Variants in PLCB1 observed in about 807,000 individuals in gnomAD.
PLCB1 encodes 1-phosphatidylinositol 4,5-bisphosphate phosphodiesterase beta-1.
PLCB1 carries 46 observed loss-of-function variants against 161.8 expected under a neutral mutation model. That is an observed-to-expected ratio of 0.28 (90% CI 0.22 to 0.36). The LOEUF is 0.36. PLCB1 is among the 10% of genes least tolerant of loss of function. The pLI is 1.00. For missense variants in PLCB1, 1,016 were observed against 1,472.5 expected, an observed-to-expected ratio of 0.69 and a Z score of 5.07; for synonymous variants, 517 against 503.7, an observed-to-expected ratio of 1.03 and a Z score of -0.35.
intron 31 of PLCB1, among the ~76,000 whole-genome samples, chr20:8,826,693 T>TTAAC (rs1985724433): frequency 6.6e-6 from 1 of 152,168 alleles, no homozygotes; most frequent in Admixed American, 6.5e-5. Flanking sequence ...CATCTCTCAC[T>TTAAC]CTAGAATTTC....
intron 16 of PLCB1, among the ~76,000 whole-genome samples, chr20:8,726,722 G>A (rs1979957685): frequency 6.6e-6 from 1 of 152,054 alleles, no homozygotes; most frequent in African/African-American, 2.4e-5. Flanking sequence ...GATTTTGTGT[G>A]GGGACACACC....
chr20:8,505,426 A>C (rs1294672881), intron 3 of PLCB1, among the ~76,000 whole-genome samples: 1 of 152,206 alleles, frequency 6.6e-6, no homozygotes, highest in African/African-American at 2.4e-5. Context: ...ACCCCACCAG[A>C]GACATTTTAA....
chr20:8,326,932 C>T (rs1985178323), intron 2 of PLCB1, among the ~76,000 whole-genome samples: 1 of 152,196 alleles, frequency 6.6e-6, no homozygotes, highest in African/African-American at 2.4e-5. Flanking sequence ...GTCGCTCAGG[C>T]TGGAGTGCTG....
At chr20:8,821,867 C>T (rs148503932) in intron 31 of PLCB1, among the ~76,000 whole-genome samples, 1 of 152,096 alleles carries the variant, frequency 6.6e-6, no homozygotes, top group African/African-American at 2.4e-5. Flanking sequence ...TCCACTGTTC[C>T]AGCTCTTTGT....
At chr20:8,207,055 G>A (rs946792899) in intron 2 of PLCB1, among the ~76,000 whole-genome samples, 3 of 95,640 alleles carry the variant, frequency 3.1e-5, no homozygotes, top group South Asian at 7.7e-4. Flanking sequence ...GACTGTAAGA[G>A]GATGTTCAAA....
intron 2 of PLCB1, among the ~76,000 whole-genome samples, chr20:8,204,055 A>G (rs973179062): frequency 6.6e-5 from 10 of 152,134 alleles, no homozygotes; most frequent in African/African-American, 2.4e-4. Context: ...GGGAGACAAA[A>G]TACCTAAGAC....
intron 9 of PLCB1, among the ~76,000 whole-genome samples, chr20:8,677,652 C>G (rs1276107494): frequency 6.6e-6 from 1 of 152,014 alleles, no homozygotes; most frequent in Non-Finnish European, 1.5e-5. Context: ...AGGCCACACA[C>G]CTGTTTTTAG....
rs1988020247 is a variant in PLCB1 at position 8,882,153 on chromosome 20, G to C, written c.*304G>C. ...TCCATGGAACTTTTAATGAAGGACAGTGTCTTCTTTGAAGAAAATCAAGCT... is the reference window on the plus strand; with the variant it reads ...TCCATGGAACTTTTAATGAAGGACACTGTCTTCTTTGAAGAAAATCAAGCT... On this transcript the variant is annotated 3_prime_UTR_variant, in exon 32 of 32. Coordinates refer to ENST00000338037, the MANE Select transcript of PLCB1 (RefSeq NM_015192.4). 3.4e-6 allele frequency: 1 copy of C among 290,368 alleles called. No individual in the cohort carries two copies. The highest frequency in any genetic ancestry group is 6.5e-6 in the Non-Finnish European group (1 of 154,690). 18.0% of individuals were successfully genotyped at this position (290,368 alleles called of 1,614,324 possible). A position where few individuals can be genotyped will look rare whatever the true frequency, so the allele number is the denominator to read the frequency against.
chr20:8,845,543 T>C (rs1175177319), intron 31 of PLCB1, among the ~76,000 whole-genome samples: 2 of 152,214 alleles, frequency 1.3e-5, no homozygotes, highest in Non-Finnish European at 2.9e-5. Flanking sequence ...GGGCTATTGG[T>C]TACCCTATGG....
chr20:8,374,314 G>A (rs537192246), intron 3 of PLCB1, among the ~76,000 whole-genome samples: 22 of 152,218 alleles, frequency 1.4e-4, no homozygotes, highest in East Asian at 7.7e-4. Context: ...CCTCCCCGTC[G>A]TCTTCCAGCA....
At chr20:8,542,499 T>G (rs16994907) in intron 3 of PLCB1, among the ~76,000 whole-genome samples, 2,660 of 152,288 alleles carry the variant, frequency 0.017, 72 homozygotes, top group African/African-American at 0.058. Context: ...TGGCCTGGGA[T>G]CTTTCTTTCC....
intron 2 of PLCB1, among the ~76,000 whole-genome samples, chr20:8,275,374 G>C (rs1478385925): frequency 6.6e-6 from 1 of 151,302 alleles, no homozygotes; most frequent in Non-Finnish European, 1.5e-5. Context: ...AGAAATTATT[G>C]TTTCCTATTG....
chr20:8,566,301 C>T (rs775874774), intron 3 of PLCB1, among the ~76,000 whole-genome samples: 19 of 151,994 alleles, frequency 1.3e-4, no homozygotes, highest in Admixed American at 3.3e-4. Context: ...AATGGGTGGA[C>T]GAATCATCTC....
At chr20:8,854,213 A>G (rs541416428) in intron 31 of PLCB1, among the ~76,000 whole-genome samples, 4 of 152,136 alleles carry the variant, frequency 2.6e-5, no homozygotes, top group African/African-American at 9.7e-5. Context: ...TCAGTTGCTG[A>G]AACTACCACC....
chr20:8,666,464 C>T (rs1352545755), intron 9 of PLCB1, among the ~76,000 whole-genome samples: 1 of 152,224 alleles, frequency 6.6e-6, no homozygotes, highest in Non-Finnish European at 1.5e-5. Flanking sequence ...TTCCTGCCAA[C>T]CTATCACGTT....
intron 31 of PLCB1, among the ~76,000 whole-genome samples, chr20:8,795,410 A>G (rs190390925): frequency 6.6e-6 from 1 of 152,320 alleles, no homozygotes; most frequent in East Asian, 1.9e-4. Context: ...TATGTTATAA[A>G]CAACAAGAGA....
intron 2 of PLCB1, among the ~76,000 whole-genome samples, chr20:8,228,099 T>C (rs6055673): frequency 0.8 from 121,934 of 151,906 alleles, 49,161 homozygotes; most frequent in African/African-American, 0.85. Context: ...GGGGAGGTTG[T>C]AGTGAGCTGA....
chr20:8,686,879 G>T (rs537620096), intron 10 of PLCB1, among the ~76,000 whole-genome samples: 2 of 152,262 alleles, frequency 1.3e-5, no homozygotes, highest in South Asian at 4.1e-4. Context: ...TGATGGGAAA[G>T]AAAAAGTATG....
At chr20:8,485,479 A>G (rs1283015515) in intron 3 of PLCB1, among the ~76,000 whole-genome samples, 1 of 152,258 alleles carries the variant, frequency 6.6e-6, no homozygotes, top group Non-Finnish European at 1.5e-5. Flanking sequence ...GAAGGTCCCT[A>G]TACATGGCAG....
Sources: gnomAD v4.1 joint callset for allele counts (sites outside exome capture counted in the v4.1 genomes callset) on GRCh38, gnomAD v4.1.1 for gene constraint, MANE v1.5 for transcripts, NCBI Gene and HGNC (gene_info 2026-07-23, HGNC 2026-07-21) for gene names.